The following KAZN variants were observed in gnomAD, a reference collection of about 807,000 sequenced individuals.
The protein encoded by KAZN is kazrin, periplakin interacting protein, also known as kazrin.
Under a neutral mutation model 87.4 loss-of-function variants are expected in KAZN, and 40 were observed. The observed-to-expected ratio is 0.46, with a 90% CI of 0.36 to 0.60. The LOEUF is 0.60. Ranked by LOEUF, KAZN falls within the 20% of genes least tolerant of loss-of-function variation. The pLI, the probability that KAZN is intolerant of heterozygous loss-of-function variation, is 0.00. For missense variants in KAZN, 898 were observed against 1,073.9 expected (o/e 0.84, Z 2.29); for synonymous variants, 466 against 458.3 (o/e 1.02, Z -0.22).
At chr1:14,617,455 T>C (rs192197129) in intron 1 of KAZN, among the ~76,000 whole-genome samples, 3 of 152,292 alleles carry the variant, frequency 2.0e-5, no homozygotes, top group East Asian at 3.9e-4. Flanking sequence ...GTTGATAGAC[T>C]TGCTGCATGA....
chr1:14,021,068 T>C (rs1312575117), intron 1 of KAZN, among the ~76,000 whole-genome samples: 1 of 152,230 alleles, frequency 6.6e-6, no homozygotes, highest in Non-Finnish European at 1.5e-5. Context: ...TCTCACCATT[T>C]TAACCTCAAC....
chr1:14,013,879 A>T (rs193146892), intron 1 of KAZN, among the ~76,000 whole-genome samples: 8 of 152,274 alleles, frequency 5.3e-5, no homozygotes. Context: ...CATGACGATG[A>T]TGGCTCTGGA....
chr1:15,114,475 C>T lies in KAZN; in HGVS notation c.2168C>T (p.Pro723Leu). 1.2e-6 allele frequency: 2 copies of T among 1,609,706 alleles called. No individual in the cohort carries two copies. The highest frequency in any genetic ancestry group is 1.7e-6 in the Non-Finnish European group (2 of 1,177,764). Reference sequence around the variant, plus strand: ...ATCATATTCTTCTCTTCTCAGCTGCCCCTGGGGAAGATAGGAAGGGGCTTC... The same window carrying T: ...ATCATATTCTTCTCTTCTCAGCTGCTCCTGGGGAAGATAGGAAGGGGCTTC... ...SGLKYKAGRLPLGKIGRGFSS... is the reference protein window; with the variant it reads ...SGLKYKAGRLLLGKIGRGFSS... Residue 723 changes from proline (P) to leucine (L), a missense_variant, in exon 15 of 15, where the codon CCC becomes CTC. By Grantham distance (98) the Pro-to-Leu change is moderately conservative (BLOSUM62 -3). Coordinates refer to ENST00000376030, the MANE Select transcript of KAZN (RefSeq NM_201628.3).
intron 2 of KAZN, among the ~76,000 whole-genome samples, chr1:14,394,598 A>T (rs1332589951): frequency 6.6e-6 from 1 of 152,220 alleles, no homozygotes; most frequent in African/African-American, 2.4e-5. Context: ...AAGGTAGTTT[A>T]TATTAACCCC....
intron 10 of KAZN, 113 bp downstream of exon 10, chr1:15,095,046 A>C: frequency 1.4e-6 from 1 of 730,310 alleles, no homozygotes; most frequent in Non-Finnish European, 2.3e-6. Flanking sequence ...GGTGGGGGAC[A>C]GCAGGGTGTG....
intron 2 of KAZN, among the ~76,000 whole-genome samples, chr1:14,383,977 CTCTTT>C (rs1236575266): frequency 3.3e-5 from 5 of 152,112 alleles, no homozygotes; most frequent in African/African-American, 1.2e-4. Flanking sequence ...TGTTTGTATC[CTCTTT>C]TATTTCCTTC....
chr1:13,920,214 C>T (rs1311351004), intron 1 of KAZN, among the ~76,000 whole-genome samples: 2 of 144,120 alleles, frequency 1.4e-5, no homozygotes, highest in African/African-American at 5.2e-5. Context: ...TGTGCCACTG[C>T]ACTCCAGTGA....
At chr1:14,232,398 A>C (rs908886736) in intron 2 of KAZN, among the ~76,000 whole-genome samples, 1 of 152,182 alleles carries the variant, frequency 6.6e-6, no homozygotes, top group Non-Finnish European at 1.5e-5. Flanking sequence ...TTGCCAAAGC[A>C]TGTAGAAGTT....
intron 1 of KAZN, among the ~76,000 whole-genome samples, chr1:14,632,569 C>CTT (rs36056434): frequency 0.015 from 1,927 of 131,144 alleles, 51 homozygotes; most frequent in African/African-American, 0.048. Context: ...TTCTTTTGGG[C>CTT]TTTTTTTTTT....
At chr1:14,728,812 T>G (rs1399009344) in intron 1 of KAZN, among the ~76,000 whole-genome samples, 3 of 152,166 alleles carry the variant, frequency 2.0e-5, no homozygotes, top group African/African-American at 7.2e-5. Flanking sequence ...GACCACAGTG[T>G]CCTCATCTGT....
chr1:14,887,349 A>G (rs902766706), intron 1 of KAZN, among the ~76,000 whole-genome samples: 9 of 152,188 alleles, frequency 5.9e-5, no homozygotes, highest in African/African-American at 2.2e-4. Flanking sequence ...TCCTTTCGGC[A>G]TGAGTGCCAT....
intron 1 of KAZN, among the ~76,000 whole-genome samples, chr1:14,775,391 G>A (rs1020287933): frequency 3.5e-4 from 54 of 152,218 alleles, no homozygotes; most frequent in Non-Finnish European, 7.1e-4. Flanking sequence ...AATAAATGCT[G>A]TTCCTTCGTC....
intron 13 of KAZN, among the ~76,000 whole-genome samples, chr1:15,110,387 G>GGGTT (rs1553191912): frequency 4.2e-5 from 1 of 23,854 alleles, no homozygotes; most frequent in African/African-American, 9.2e-5. Context: ...GTGTATTTGT[G>GGGTT]TGTTTGTGTG....
chr1:14,370,427 A>C (rs1213674871), intron 2 of KAZN, among the ~76,000 whole-genome samples: 1 of 152,210 alleles, frequency 6.6e-6, no homozygotes, highest in African/African-American at 2.4e-5. Context: ...GCTGAGGCTC[A>C]GTTCTCCTCT....
At chr1:14,604,624 A>G (rs1390323921) in intron 1 of KAZN, among the ~76,000 whole-genome samples, 3 of 152,214 alleles carry the variant, frequency 2.0e-5, no homozygotes, top group African/African-American at 7.2e-5. Context: ...AGCTGAACAT[A>G]GTTTTAATGA....
chr1:15,076,618 G>A (rs1298208442), intron 8 of KAZN, among the ~76,000 whole-genome samples: 2 of 152,246 alleles, frequency 1.3e-5, no homozygotes, highest in African/African-American at 2.4e-5. Flanking sequence ...CAGGCCCTGA[G>A]TCTGGGCTGT....
At chr1:14,390,071 GAAAT>G (rs1662286645) in intron 2 of KAZN, among the ~76,000 whole-genome samples, 1 of 151,552 alleles carries the variant, frequency 6.6e-6, no homozygotes, top group African/African-American at 2.4e-5. Flanking sequence ...TAGAATGTGA[GAAAT>G]AAATAAATAA....
At chr1:14,538,955 G>C (rs1672654253) in intron 2 of KAZN, among the ~76,000 whole-genome samples, 1 of 152,174 alleles carries the variant, frequency 6.6e-6, no homozygotes, top group Admixed American at 6.5e-5. Context: ...CTCCATTAGG[G>C]GAGGCGAGTG....
At chr1:14,696,767 C>T (rs947368773) in intron 1 of KAZN, among the ~76,000 whole-genome samples, 3 of 152,128 alleles carry the variant, frequency 2.0e-5, no homozygotes, top group African/African-American at 4.8e-5. Flanking sequence ...AAGCTCCCAG[C>T]GAGGCTGATC....
Sources: allele counts gnomAD v4.1 joint callset (sites outside exome capture counted in the v4.1 genomes callset), GRCh38; gene constraint gnomAD v4.1.1; transcripts MANE v1.5; gene names NCBI Gene and HGNC (gene_info 2026-07-23, HGNC 2026-07-21).